HDX: variants seen among roughly 807,000 people sequenced by gnomAD.
HDX encodes the protein highly divergent homeobox.
HDX carries 19 observed loss-of-function variants against 45.2 expected under a neutral mutation model. The ratio of observed to expected loss-of-function variants is 0.42; its 90% CI spans 0.29 to 0.62. HDX has a LOEUF of 0.62. HDX is among the 20% of genes least tolerant of loss of function. The pLI, the probability that HDX is intolerant of heterozygous loss-of-function variation, is 0.20. For synonymous variants in HDX, 188 were observed against 172.8 expected (o/e 1.09, Z -0.69); for missense variants, 532 against 493.9 (o/e 1.08, Z -0.73).
chrX:84,480,555 T>G (rs2040655191), intron 2 of HDX, among the ~76,000 whole-genome samples: 1 of 111,237 alleles, frequency 9.0e-6, no homozygotes, highest in Non-Finnish European at 1.9e-5. Context: ...CTTCTTATTA[T>G]TATTATTGTT....
At chrX:84,383,892 T>G (rs1173871964) in intron 5 of HDX, among the ~76,000 whole-genome samples, 1 of 111,802 alleles carries the variant, frequency 8.9e-6, no homozygotes, top group Admixed American at 9.5e-5. Flanking sequence ...TGTTCCCTTT[T>G]ATGCCTCCAT....
At chrX:84,452,537 C>CA (rs58737273) in intron 4 of HDX, among the ~76,000 whole-genome samples, 938 of 53,799 alleles carry the variant, frequency 0.017, 8 homozygotes, top group African/African-American at 0.04. Context: ...AAGCTCATTA[C>CA]AAAAAAAAAA....
rs984144590 is a variant in HDX, at chrX:84,361,421, T to C, written c.1452+45A>G. On this transcript the variant is annotated intron_variant, in intron 6 of 10. Coordinates refer to ENST00000373177, the MANE Select transcript of HDX (RefSeq NM_001177479.2). ...TGTAAGATTTTAAAGCTTTCATTTA[T>C]GCCATTCAGCAACTATAGCATGAAA... The C allele has an allele frequency of 6.2e-6, 7 of 1,137,187 alleles. No homozygotes were observed. In the African/African-American group the frequency reaches 1.3e-4, roughly 20 times the overall value. The allele number at this position is 1,137,187 out of a possible 1,213,427, so 93.7% of individuals were successfully genotyped here.
intron 9 of HDX, among the ~76,000 whole-genome samples, chrX:84,327,584 C>A (rs1383578339): frequency 4.5e-5 from 5 of 110,610 alleles, no homozygotes; most frequent in African/African-American, 1.6e-4. Flanking sequence ...AATGTAAATC[C>A]ACATGCAAAA....
chrX:84,369,917 T>C (rs1313522478), intron 5 of HDX, among the ~76,000 whole-genome samples: 1 of 112,318 alleles, frequency 8.9e-6, no homozygotes, highest in Non-Finnish European at 1.9e-5. Context: ...GAAATGTATC[T>C]TTGTGGTAGT....
intron 4 of HDX, among the ~76,000 whole-genome samples, chrX:84,450,896 T>C (rs994827924): frequency 7.2e-5 from 8 of 111,638 alleles, no homozygotes; most frequent in Non-Finnish European, 1.1e-4. Flanking sequence ...CAGGAGGAAC[T>C]TTGGAAAACT....
At chrX:84,481,213 G>A (rs1365928965) in intron 2 of HDX, among the ~76,000 whole-genome samples, 4 of 110,818 alleles carry the variant, frequency 3.6e-5, no homozygotes, top group Non-Finnish European at 7.6e-5. Flanking sequence ...TTGGTAAATT[G>A]TTTGTTCTTC....
At chrX:84,449,113 C>A (rs1199330029) in intron 4 of HDX, among the ~76,000 whole-genome samples, 4 of 108,211 alleles carry the variant, frequency 3.7e-5, no homozygotes, top group African/African-American at 1.3e-4. Context: ...CCCAGTCAGA[C>A]AAAAAACAAA....
chrX:84,406,389 G>C (rs1380658932), intron 5 of HDX, among the ~76,000 whole-genome samples: 8 of 105,865 alleles, frequency 7.6e-5, no homozygotes, highest in Non-Finnish European at 1.5e-4. Context: ...GGCTAGAGAA[G>C]TGGCTGTTTA....
intron 3 of HDX, among the ~76,000 whole-genome samples, chrX:84,474,280 G>T (rs935969515): frequency 2.7e-5 from 3 of 111,235 alleles, no homozygotes; most frequent in African/African-American, 9.8e-5. Context: ...CGACAAGAGC[G>T]AAACTCCGTT....
At chrX:84,341,793 C>T (rs911876994) in intron 7 of HDX, among the ~76,000 whole-genome samples, 9 of 108,017 alleles carry the variant, frequency 8.3e-5, no homozygotes, top group South Asian at 4.0e-4. Context: ...TTCACAGGTG[C>T]AATCAGAACA....
chrX:84,490,338 TAA>T lies in HDX; in HGVS notation c.-109-2208_-109-2207del, dbSNP rs1038597927. Among the ~76,000 whole-genome samples the T allele has an allele frequency of 3.6e-5, 4 of 111,911 alleles. 1 individual carries two copies. The highest frequency in any genetic ancestry group is 5.7e-5 in the Non-Finnish European group (3 of 53,065). On this transcript the variant is annotated intron_variant, in intron 1 of 10. Coordinates refer to ENST00000373177, the MANE Select transcript of HDX (RefSeq NM_001177479.2). ...GTATTTTGTTAAAGTGACCCTCAAG[TAA>T]TAGATTTCAAGTTTTCTACGTATCC...
rs754151282 is a variant in HDX, at chrX:84,354,372, T to C, written c.1452+7094A>G. On this transcript the variant is annotated intron_variant, in intron 6 of 10. Coordinates refer to ENST00000373177, the MANE Select transcript of HDX (RefSeq NM_001177479.2). ...TTTAAATGTAGTTATTTAAATGTAGTATTTGTTAGTTCATGTATGCTATAT... is the reference window on the plus strand; with the variant it reads ...TTTAAATGTAGTTATTTAAATGTAGCATTTGTTAGTTCATGTATGCTATAT... 7.2e-5 allele frequency among the ~76,000 whole-genome samples: 8 copies of C among 111,706 alleles called. No individual in the cohort carries two copies. In the South Asian group the frequency reaches 3.0e-3, roughly 42 times the overall value.
intron 5 of HDX, among the ~76,000 whole-genome samples, chrX:84,365,795 C>A (rs895394631): frequency 9.0e-6 from 1 of 111,070 alleles, no homozygotes; most frequent in African/African-American, 3.3e-5. Flanking sequence ...AGAGTACGTG[C>A]GTTTAAATTA....
chrX:84,352,958 G>T (rs1388643001), intron 6 of HDX, among the ~76,000 whole-genome samples: 1 of 110,779 alleles, frequency 9.0e-6, no homozygotes, highest in Non-Finnish European at 1.9e-5. Flanking sequence ...GGTCATAAAA[G>T]CTGGGGAAGA....
intron 7 of HDX, 43 bp downstream of exon 7, chrX:84,344,207 A>G (rs2037148084): frequency 9.7e-7 from 1 of 1,027,797 alleles, no homozygotes; most frequent in African/African-American, 1.9e-5. Context: ...AAATGCATCA[A>G]ATTTACAAAG....
rs968954786 is a variant in HDX at position 84,471,058 on chromosome X, A to T, written c.148-1483T>A. 5.4e-5 allele frequency among the ~76,000 whole-genome samples: 6 copies of T among 112,136 alleles called. No homozygotes were observed. In the East Asian group the frequency reaches 1.7e-3, roughly 31 times the overall value. The stretch of plus-strand genomic sequence containing the variant: ...GAAAACATTAAATGAACTAGCCTTG[A>T]ACAAACAATAGTTCAGAGTATATTT... On this transcript the variant is annotated intron_variant, in intron 3 of 10. Coordinates refer to ENST00000373177, the MANE Select transcript of HDX (RefSeq NM_001177479.2).
chrX:84,344,458 C>T lies in HDX; in HGVS notation c.1453-1G>A, dbSNP rs1569284687. ...TCCTTCTTCGATTCCCAATCCAAGTCTTTATAAGAGAAATATAGGAGGAAT... is the reference window on the plus strand; with the variant it reads ...TCCTTCTTCGATTCCCAATCCAAGTTTTTATAAGAGAAATATAGGAGGAAT... On this transcript the variant is annotated splice_acceptor_variant, in intron 6 of 10. Coordinates refer to ENST00000373177, the MANE Select transcript of HDX (RefSeq NM_001177479.2). LOFTEE classifies it high-confidence loss of function. 1 of 1,179,446 alleles carries T rather than the reference C, an allele frequency of 8.5e-7. No individual in the cohort carries two copies. Among genetic ancestry groups the T allele is most frequent in the Non-Finnish European group, 1.2e-6 (1 of 867,480 alleles).
chrX:84,462,575 G>A (rs1021724518), intron 4 of HDX, among the ~76,000 whole-genome samples: 2 of 111,065 alleles, frequency 1.8e-5, no homozygotes, highest in African/African-American at 3.3e-5. Context: ...TACCAATGTG[G>A]CAAATAAGTA....
Sources: allele counts gnomAD v4.1 joint callset (sites outside exome capture counted in the v4.1 genomes callset), GRCh38; gene constraint gnomAD v4.1.1; transcripts MANE v1.5; gene names NCBI Gene and HGNC (gene_info 2026-07-23, HGNC 2026-07-21).